Variants in SHMT1 observed in about 807,000 individuals in gnomAD.
SHMT1 encodes serine hydroxymethyltransferase, cytosolic.
A neutral mutation model predicts 49.0 loss-of-function variants in SHMT1; 45 were observed. The observed-to-expected ratio is 0.92, with a 90% CI of 0.72 to 1.18. The LOEUF (loss-of-function observed/expected upper bound fraction) is 1.18. Among genes scored for constraint, SHMT1 ranks in the 50% most tolerant of loss-of-function variants. The pLI is 0.00. For synonymous variants in SHMT1, 232 were observed against 246.6 expected, an observed-to-expected ratio of 0.94 and a Z score of 0.55; for missense variants, 541 against 612.4, an observed-to-expected ratio of 0.88 and a Z score of 1.23.
chr17:18,338,104 C>G (rs1262106548), intron 7 of SHMT1, among the ~76,000 whole-genome samples: 3 of 115,488 alleles, frequency 2.6e-5, no homozygotes, highest in African/African-American at 1.1e-4. Flanking sequence ...TCTTCCCGGC[C>G]GCCATCCCGT....
chr17:18,330,682 AGTTGGACAT>A lies in SHMT1; in HGVS notation c.1055-20_1055-12del, dbSNP rs1407161257. The A allele has an allele frequency of 1.3e-6, 2 of 1,586,612 alleles. No homozygotes were observed. The highest frequency in any genetic ancestry group is 1.7e-6 in the Non-Finnish European group (2 of 1,154,784). On this transcript the variant is annotated splice_polypyrimidine_tract_variant and intron_variant, in intron 9 of 11. Coordinates refer to ENST00000316694, the MANE Select transcript of SHMT1 (RefSeq NM_004169.5). ...GGTTGTCAGAACCACCTGGAAACAA[AGTTGGACAT>A]GTAGAAATGCAGGCGAATTCTATGC...
At chr17:18,338,257 G>A (rs1336980905) in intron 7 of SHMT1, among the ~76,000 whole-genome samples, 3 of 148,318 alleles carry the variant, frequency 2.0e-5, no homozygotes, top group East Asian at 2.0e-4. Flanking sequence ...GTCTCTGCCC[G>A]GCTGCCCCAT....
Position 18,329,391 on chromosome 17 carries a change from A to G in SHMT1, c.1172-3T>C, listed in dbSNP as rs758290218. ...GGGCCGCAGAGCGCTTCTGTCACCT[A>G]CAAGATAAACGGGGCTCTGTCCCTA... On this transcript the variant is annotated splice_region_variant and splice_polypyrimidine_tract_variant and intron_variant, in intron 10 of 11. Coordinates refer to ENST00000316694, the MANE Select transcript of SHMT1 (RefSeq NM_004169.5). 34 of 1,608,440 alleles carry G rather than the reference A, an allele frequency of 2.1e-5. No homozygotes were observed. The South Asian group carries it at 3.5e-4, about 17-fold the overall frequency.
chr17:18,346,146 G>A (rs1985060343), intron 5 of SHMT1, among the ~76,000 whole-genome samples: 1 of 152,134 alleles, frequency 6.6e-6, no homozygotes, highest in Non-Finnish European at 1.5e-5. Flanking sequence ...GACAAAGGCT[G>A]AGTACACACA....
intron 5 of SHMT1, 137 bp downstream of exon 5, chr17:18,347,359 C>G: frequency 9.6e-7 from 1 of 1,045,046 alleles, no homozygotes. Flanking sequence ...GAGGAGTCCC[C>G]GCTGCAAGGA....
At chr17:18,335,827 G>A (rs1983731534) in intron 7 of SHMT1, 152 bp from the exon 8 acceptor site, 3 of 715,512 alleles carry the variant, frequency 4.2e-6, no homozygotes, top group Admixed American at 4.1e-5. Context: ...CGGAGCAGAG[G>A]GGACCCTTGC....
chr17:18,330,693 T>C (rs1983111285), intron 9 of SHMT1, 22 bp from the exon 10 acceptor site: 3 of 1,538,794 alleles, frequency 1.9e-6, no homozygotes, highest in African/African-American at 1.4e-5. Context: ...GTTGGACATG[T>C]AGAAATGCAG....
At chr17:18,343,233 T>C (rs1984711480) in intron 5 of SHMT1, among the ~76,000 whole-genome samples, 1 of 152,148 alleles carries the variant, frequency 6.6e-6, no homozygotes, top group African/African-American at 2.4e-5. Context: ...AAACAGATTG[T>C]AGATCTCGAT....
chr17:18,356,056 T>C lies in SHMT1; in HGVS notation c.-19-56A>G, dbSNP rs1986213458. ...CCAGAATTAAATTTATTTATTTTAT[T>C]TATTTTTTATTTATTTTTGAGATGT... On this transcript the variant is annotated intron_variant, in intron 1 of 11. Transcript: ENST00000316694. 3 of 846,706 alleles carry C rather than the reference T, an allele frequency of 3.5e-6. No homozygotes were observed. In the South Asian group the frequency reaches 5.1e-5, roughly 14 times the overall value. 52.4% of individuals were successfully genotyped at this position (846,706 alleles called of 1,614,324 possible).
chr17:18,329,849 C>T (rs1303274637), intron 10 of SHMT1, among the ~76,000 whole-genome samples: 2 of 152,108 alleles, frequency 1.3e-5, no homozygotes, highest in Non-Finnish European at 2.9e-5. Context: ...TCCCTGCCCC[C>T]GCTCCATTTT....
intron 7 of SHMT1, 40 bp from the exon 8 acceptor site, chr17:18,335,715 G>T: frequency 7.1e-7 from 1 of 1,406,976 alleles, no homozygotes; most frequent in Non-Finnish European, 1.0e-6. Context: ...CATAGGGGCT[G>T]TCCCCTCTTT....
chr17:18,328,983 G>A, intron 11 of SHMT1, 64 bp from the exon 12 acceptor site: 1 of 1,596,102 alleles, frequency 6.3e-7, no homozygotes, highest in Non-Finnish European at 8.6e-7. Flanking sequence ...AATGGCTGGG[G>A]GCCGAGGCAC....
Position 18,340,871 on chromosome 17 carries a change from G to T in SHMT1, c.520-58C>A. On this transcript the variant is annotated intron_variant, in intron 5 of 11. Transcript: ENST00000316694. This position sits in a 1 kb window ranked among gnomAD's most constrained non-coding sequence, Gnocchi z 4.5. Reference sequence around the variant, plus strand: ...CTTCCTCCAACCACACCTGCCTCCTGTCCTCCCACTTGAACTGGCTCCACC... The same window carrying T: ...CTTCCTCCAACCACACCTGCCTCCTTTCCTCCCACTTGAACTGGCTCCACC... 2 of 1,262,692 alleles carry T rather than the reference G, an allele frequency of 1.6e-6. No individual in the cohort carries two copies. The highest frequency in any genetic ancestry group is 2.3e-6 in the Non-Finnish European group (2 of 881,430). 78.2% of individuals were successfully genotyped at this position (1,262,692 alleles called of 1,614,324 possible).
chr17:18,357,814 A>T (rs75982164), intron 1 of SHMT1, among the ~76,000 whole-genome samples: 16,302 of 149,950 alleles, frequency 0.11, 995 homozygotes, highest in South Asian at 0.18. Context: ...AAAAAAAGTT[A>T]GCTGGGCATG....
chr17:18,350,563 A>C (rs1331581744), intron 3 of SHMT1, among the ~76,000 whole-genome samples: 2 of 150,920 alleles, frequency 1.3e-5, no homozygotes, highest in Non-Finnish European at 3.0e-5. Context: ...CTTGAGCCCA[A>C]GAGTTTGAGG....
intron 9 of SHMT1, 168 bp downstream of exon 9, chr17:18,332,998 G>GC: frequency 1.2e-6 from 1 of 812,504 alleles, no homozygotes. Flanking sequence ...CTGGTCTGAG[G>GC]CAGGGGGAGG....
chr17:18,337,625 G>C (rs1003191226), intron 7 of SHMT1, among the ~76,000 whole-genome samples: 3 of 134,170 alleles, frequency 2.2e-5, no homozygotes, highest in Non-Finnish European at 4.7e-5. Flanking sequence ...ATGCCGAGCC[G>C]AAGCTGGACT....
intron 1 of SHMT1, chr17:18,362,897 T>G (rs948452459): frequency 2.0e-5 from 3 of 152,204 alleles, no homozygotes; most frequent in Admixed American, 2.0e-4. Context: ...GCGCGCAGCC[T>G]TTAGGGGCGC....
chr17:18,361,163 G>A (rs1986720199), intron 1 of SHMT1, among the ~76,000 whole-genome samples: 1 of 151,922 alleles, frequency 6.6e-6, no homozygotes, highest in South Asian at 2.1e-4. Context: ...AAAATGAGCT[G>A]GGTGTGTGGT....
Sources: allele counts gnomAD v4.1 joint callset (sites outside exome capture counted in the v4.1 genomes callset), GRCh38; gene constraint gnomAD v4.1.1; non-coding constraint Gnocchi (gnomAD v3.1); transcripts MANE v1.5; gene names NCBI Gene and HGNC (gene_info 2026-07-23, HGNC 2026-07-21).